Variants in FAT1 observed in about 807,000 individuals in gnomAD.
The protein encoded by FAT1 is protocadherin Fat 1.
FAT1 carries 171 observed loss-of-function variants against 329.8 expected under a neutral mutation model. The ratio of observed to expected loss-of-function variants is 0.52; its 90% confidence interval spans 0.46 to 0.59. FAT1 has a LOEUF of 0.59. FAT1 is among the 20% of genes least tolerant of loss of function. The pLI is 0.00. For synonymous variants in FAT1, 2,233 were observed against 2,228.6 expected (o/e 1.00, Z -0.06); for missense variants, 5,672 against 5,774.4 (o/e 0.98, Z 0.57).
In FAT1 at chr4:186,600,199, C is replaced by T. The variant is rs1192944661; in HGVS notation, c.11802G>A (p.Ser3934=). ...RLVLDQVHTA[S]GTAPGTLKTL... ...TTTTCAGAGTCCCTGGGGCTGTGCC[C>T]GATGCAGTATGAACTTGGTCTAGAA... The change falls in exon 22 of 27, where the codon TCG becomes TCA. Residue 3934 remains serine (S), a synonymous_variant. Coordinates refer to ENST00000441802, the MANE Select transcript of FAT1 (RefSeq NM_005245.4). The T allele has an allele frequency of 1.2e-5, 20 of 1,613,924 alleles. No homozygotes were observed. Among genetic ancestry groups the T allele is most frequent in the East Asian group, 8.9e-5 (4 of 44,902 alleles).
rs1739846055 is a variant in FAT1, at chr4:186,618,563, C to T, written c.8023G>A (p.Ala2675Thr). The T allele has an allele frequency of 6.2e-7, 1 of 1,614,028 alleles. No individual in the cohort carries two copies. The highest frequency in any genetic ancestry group is 2.2e-5 in the East Asian group (1 of 44,882). ...ENEFFTFFVR[A>T]VDNGSPSKES... ...TTTGATGGAGACCCATTATCCACAG[C>T]TCTAACAAAGAAAGTGAAGAATTCA... Residue 2675 changes from alanine to threonine, a missense_variant, in exon 10 of 27, where the codon GCT becomes ACT. Coordinates refer to ENST00000441802, the MANE Select transcript of FAT1 (RefSeq NM_005245.4).
At chr4:186,647,719 T>C (rs1741446037) in intron 3 of FAT1, among the ~76,000 whole-genome samples, 1 of 152,164 alleles carries the variant, frequency 6.6e-6, no homozygotes, top group South Asian at 2.1e-4. Flanking sequence ...TCTGAAACAC[T>C]TTCATATATT....
chr4:186,595,497 T>A (rs1738455379), intron 26 of FAT1, among the ~76,000 whole-genome samples, 192 bp downstream of exon 26: 1 of 152,210 alleles, frequency 6.6e-6, no homozygotes, highest in South Asian at 2.1e-4. Flanking sequence ...CAAACACCTA[T>A]TCATTAAGAA....
At chr4:186,593,169 A>G (rs1327463491) in intron 26 of FAT1, among the ~76,000 whole-genome samples, 1 of 152,132 alleles carries the variant, frequency 6.6e-6, no homozygotes, top group Non-Finnish European at 1.5e-5. Context: ...TTGTCCCCCA[A>G]AAAAAAGAAA....
upstream of FAT1, among the ~76,000 whole-genome samples, chr4:186,724,314 G>A (rs990909955): frequency 3.3e-5 from 5 of 152,148 alleles, no homozygotes; most frequent in East Asian, 5.8e-4. The surrounding 1 kb of genome is among the most constrained non-coding windows in gnomAD (Gnocchi z 5.3). Flanking sequence ...GGTCCGCGAA[G>A]GTTTGGTGGG....
At chr4:186,713,813 A>G (rs1380513307) in intron 1 of FAT1, among the ~76,000 whole-genome samples, 5 of 152,156 alleles carry the variant, frequency 3.3e-5, no homozygotes, top group Non-Finnish European at 7.4e-5. Context: ...TTAGACTGAC[A>G]GAATTTTACA....
intron 2 of FAT1, among the ~76,000 whole-genome samples, chr4:186,664,611 T>C (rs1197909037): frequency 6.6e-6 from 1 of 152,188 alleles, no homozygotes; most frequent in Admixed American, 6.5e-5. Context: ...AGTCAAAACT[T>C]AACTTCAAGC....
At position 186,636,624 on chromosome 4, in the gene FAT1, G is replaced by A. The variant is rs370409135; in HGVS notation, c.3933C>T (p.Ser1311=). The change falls in exon 5 of 27, where the codon TCC becomes TCT. Residue 1311 remains serine (S), a synonymous_variant. Coordinates refer to ENST00000441802, the MANE Select transcript of FAT1 (RefSeq NM_005245.4). ...FIEPKTGVVS[S]KRFSAAGEYD... ...ATTCTCCAGCTGCTGAAAACCTCTT[G>A]GACGAAACCACTCCAGTTTTCGGTT... 154 of 1,613,562 alleles carry A rather than the reference G, an allele frequency of 9.5e-5. 1 individual carries two copies. In the African/African-American group the frequency reaches 1.2e-3, roughly 13 times the overall value.
In FAT1 at chr4:186,618,085, G is replaced by A; in HGVS notation, c.8501C>T (p.Ser2834Phe). The A allele has an allele frequency of 6.2e-7, 1 of 1,613,996 alleles. No homozygotes were observed. Among genetic ancestry groups the A allele is most frequent in the Non-Finnish European group, 8.5e-7 (1 of 1,179,892 alleles). The change falls in exon 10 of 27, where the codon TCT becomes TTT. Residue 2834 changes from serine to phenylalanine, a missense_variant. Ser to Phe is a radical substitution (Grantham distance 155). Transcript: ENST00000441802. The part of the protein sequence containing the change: ...GGSRVIQIRA[S>F]DADSGTNGQV... ...GCCGTTGGTTCCTGAGTCAGCATCA[G>A]ATGCCCTGATCTGAATTACTCTACT...
Position 186,617,099 on chromosome 4 carries a change from A to G in FAT1, c.8981T>C (p.Leu2994Pro). Reference sequence around the variant, plus strand: ...GGTGCCATCAGTTGCCGTGATAGTAAGAAGGTAATTGTCCCTTTTTTCCCT... The same window carrying G: ...GGTGCCATCAGTTGCCGTGATAGTAGGAAGGTAATTGTCCCTTTTTTCCCT... ...LDREKRDNYL[L>P]TITATDGTFS... The change falls in exon 11 of 27, where the codon CTT becomes CCT. Residue 2994 changes from leucine (L) to proline (P), a missense_variant. By Grantham distance (98) the Leu-to-Pro change is moderately conservative (BLOSUM62 -3). Coordinates refer to ENST00000441802, the MANE Select transcript of FAT1 (RefSeq NM_005245.4). The G allele has an allele frequency of 6.2e-7, 1 of 1,613,976 alleles. No homozygotes were observed. Among genetic ancestry groups the G allele is most frequent in the Non-Finnish European group, 8.5e-7 (1 of 1,179,858 alleles).
chr4:186,712,362 GT>G (rs34963612), intron 1 of FAT1, among the ~76,000 whole-genome samples: 37,085 of 151,516 alleles, frequency 0.24, 5,683 homozygotes, highest in African/African-American at 0.43. Context: ...CTCTACTGTG[GT>G]TTTTTTTTAG....
At chr4:186,705,774 T>TG (rs1393604607) in intron 2 of FAT1, among the ~76,000 whole-genome samples, 4 of 152,242 alleles carry the variant, frequency 2.6e-5, no homozygotes, top group Non-Finnish European at 5.9e-5. Context: ...ACTGCTGCCT[T>TG]GGAGGTCCCG....
intron 4 of FAT1, among the ~76,000 whole-genome samples, chr4:186,638,615 G>GCA (rs35176185): frequency 0.037 from 5,233 of 139,968 alleles, 210 homozygotes; most frequent in African/African-American, 0.1. Flanking sequence ...AGTTCCCAAT[G>GCA]CACACACACA....
intron 17 of FAT1, among the ~76,000 whole-genome samples, chr4:186,605,596 T>G (rs895796843): frequency 0.065 from 501 of 7,686 alleles, no homozygotes; most frequent in Admixed American, 0.071. Context: ...GAGGGAGGAG[T>G]GGGGAGGAGG....
intron 2 of FAT1, among the ~76,000 whole-genome samples, chr4:186,689,337 T>C (rs1166472230): frequency 6.6e-6 from 1 of 152,222 alleles, no homozygotes; most frequent in Non-Finnish European, 1.5e-5. Context: ...TAACAAATGT[T>C]TATCCTCAAA....
At chr4:186,711,462 G>C (rs1011475045) in intron 1 of FAT1, among the ~76,000 whole-genome samples, 5 of 151,990 alleles carry the variant, frequency 3.3e-5, no homozygotes, top group Non-Finnish European at 7.4e-5. Context: ...CTAATACTCA[G>C]GGAAATTTGA....
At chr4:186,667,617 G>A (rs459764) in intron 2 of FAT1, among the ~76,000 whole-genome samples, 68,780 of 151,710 alleles carry the variant, frequency 0.45, 16,732 homozygotes, top group African/African-American at 0.65. Context: ...GCCAAAGGGA[G>A]AGGAGGGCAC....
In FAT1 at chr4:186,707,512, T is replaced by A. The variant is rs2126689167; in HGVS notation, c.2316A>T (p.Gly772=). ...CAAGAGGAGATAAAATTTTCAGCATTCCTGTTTCCATATCAATCATGAAGC... is the reference window on the plus strand; with the variant it reads ...CAAGAGGAGATAAAATTTTCAGCATACCTGTTTCCATATCAATCATGAAGC... ...DSCFMIDMET[G]MLKILSPLDR... Residue 772 remains glycine (G), a synonymous_variant, in exon 2 of 27, where the codon GGA becomes GGT. Transcript: ENST00000441802. 1 of 1,614,012 alleles carries A rather than the reference T, an allele frequency of 6.2e-7. No homozygotes were observed. Among genetic ancestry groups the A allele is most frequent in the Non-Finnish European group, 8.5e-7 (1 of 1,179,892 alleles).
intron 16 of FAT1, among the ~76,000 whole-genome samples, chr4:186,608,914 A>G (rs1739264787): frequency 6.6e-6 from 1 of 152,202 alleles, no homozygotes; most frequent in African/African-American, 2.4e-5. Flanking sequence ...CCCAGCTTCT[A>G]GCTTTAGGAA....
Sources: allele counts gnomAD v4.1 joint callset (sites outside exome capture counted in the v4.1 genomes callset), GRCh38; gene constraint gnomAD v4.1.1; non-coding constraint Gnocchi (gnomAD v3.1); transcripts MANE v1.5; gene names NCBI Gene and HGNC (gene_info 2026-07-23, HGNC 2026-07-21).